Variants in TTN observed in about 807,000 individuals in gnomAD.
TTN encodes the protein titin.
Under a neutral mutation model 3,223.0 loss-of-function variants are expected in TTN, and 1,525 were observed. The ratio of observed to expected loss-of-function variants is 0.47; its 90% CI spans 0.45 to 0.49. TTN has a LOEUF of 0.49. Ranked by LOEUF, TTN falls within the 20% of genes least tolerant of loss-of-function variation. The pLI, the probability that TTN is intolerant of heterozygous loss-of-function variation, is 0.00. For missense variants in TTN, 40,786 were observed against 43,424.0 expected (o/e 0.94, Z 5.40); for synonymous variants, 14,094 against 15,161.0 (o/e 0.93, Z 5.17).
chr2:178,704,844 T>G, intron 104 of TTN, 33 bp downstream of exon 104: 1 of 1,610,436 alleles, frequency 6.2e-7, no homozygotes, highest in East Asian at 2.2e-5. Context: ...AATAATAACT[T>G]GTTCATTTTA....
chr2:178,530,412 C>A lies in TTN; in HGVS notation c.106203G>T (p.Glu35401Asp). ...GTTCAGTTTTTCTGGTTACTGTTGA[C>A]TCAGTGGTTTTCTGATCTGATTTCT... is the stretch of plus-strand genomic sequence containing the variant. ...ETKKSDQKTT[E>D]STVTRKTEPK... is the part of the protein sequence containing the mutation. The change falls in exon 358 of 363, where the codon GAG becomes GAT. Residue 35401 changes from glutamate (E) to aspartate (D), a missense_variant. Physicochemically the swap from Glu to Asp is conservative, Grantham distance 45. Coordinates refer to ENST00000589042, the MANE Select transcript of TTN (RefSeq NM_001267550.2). 1 of 1,613,960 alleles carries A rather than the reference C, an allele frequency of 6.2e-7. No individual in the cohort carries two copies. The highest frequency in any genetic ancestry group is 8.5e-7 in the Non-Finnish European group (1 of 1,179,862).
chr2:178,614,202 G>A lies in TTN; in HGVS notation c.49195C>T (p.His16399Tyr), dbSNP rs1194172632. ...TCCTTGACGGTGGATGAGAGCTTGT[G>A]CCACACTTCACTATCAGTTGCTCGT... ...ERRATDSEVW[H>Y]KLSSTVKDTN... Residue 16399 changes from histidine to tyrosine, a missense_variant, in exon 262 of 363, where the codon CAC becomes TAC. By Grantham distance (83) the His-to-Tyr change is moderately conservative. Coordinates refer to ENST00000589042, the MANE Select transcript of TTN (RefSeq NM_001267550.2). 3.1e-6 allele frequency: 5 copies of A among 1,612,336 alleles called. No individual in the cohort carries two copies. In the South Asian group the frequency reaches 5.5e-5, roughly 18 times the overall value.
intron 69 of TTN, 197 bp from the exon 70 acceptor site, chr2:178,726,243 C>A (rs2154304761): frequency 1.9e-6 from 1 of 514,410 alleles, no homozygotes; most frequent in East Asian, 3.2e-5. Context: ...GGCAGAGAAC[C>A]CAGATAGATC....
rs187270666 is a variant in TTN at position 178,561,239 on chromosome 2, C to T, written c.84893G>A (p.Arg28298Gln). 6.6e-4 allele frequency: 1,064 copies of T among 1,613,644 alleles called. 6 individuals are homozygous for T. Among genetic ancestry groups the T allele is most frequent in the East Asian group, 2.0e-4 (9 of 44,798 alleles). Residue 28298 changes from arginine to glutamine, a missense_variant, in exon 326 of 363, where the codon CGG becomes CAG. Arg to Gln is a conservative substitution (Grantham distance 43). Coordinates refer to ENST00000589042, the MANE Select transcript of TTN (RefSeq NM_001267550.2). The part of the protein sequence containing the change: ...IVERRELPDG[R>Q]WLKCNYTNIQ... ...ATTAGTATAATTGCACTTCAGCCACCGGCCATCTGGTAGTTCTCTGCGTTC... is the reference window on the plus strand; with the variant it reads ...ATTAGTATAATTGCACTTCAGCCACTGGCCATCTGGTAGTTCTCTGCGTTC...
In TTN at chr2:178,563,730, T is replaced by G. The variant is rs201958805; in HGVS notation, c.82402A>C (p.Lys27468Gln). 3.6e-4 allele frequency: 574 copies of G among 1,613,564 alleles called. 1 individual carries two copies. The highest frequency in any genetic ancestry group is 4.7e-4 in the Non-Finnish European group (550 of 1,179,766). The change falls in exon 326 of 363, where the codon AAG becomes CAG. Residue 27468 changes from lysine (K) to glutamine (Q), a missense_variant. By Grantham distance (53) the Lys-to-Gln change is moderately conservative (BLOSUM62 1). Transcript: ENST00000589042. The surrounding 1 kb of genome is among the most constrained non-coding windows in gnomAD (Gnocchi z 4.5). ...GGTGTTGAGGGAGGACCTGGTGGCTTATAAGGATTACAGGCCGTAACAGGC... is the reference window on the plus strand; with the variant it reads ...GGTGTTGAGGGAGGACCTGGTGGCTGATAAGGATTACAGGCCGTAACAGGC... ...SGPVTACNPY[K>Q]PPGPPSTPEV... is the part of the protein sequence containing the mutation.
intron 285 of TTN, 34 bp downstream of exon 285, chr2:178,601,848 A>T (rs781194025): frequency 6.2e-7 from 1 of 1,607,604 alleles, no homozygotes; most frequent in Non-Finnish European, 8.5e-7. Flanking sequence ...GAAGTCAACC[A>T]TATTCTGAAT....
In TTN at chr2:178,594,545, T is replaced by G. The variant is rs752651782; in HGVS notation, c.57949A>C (p.Ile19317Leu). 6.2e-7 allele frequency: 1 copy of G among 1,613,276 alleles called. No homozygotes were observed. Among genetic ancestry groups the G allele is most frequent in the African/African-American group, 1.3e-5 (1 of 74,920 alleles). ...PPKYDGGSEI[I>L]NYVLESRLIG... ...AGCCGACTTTCTAGGACATAGTTAA[T>G]AATTTCTGACCCACCATCATACTTA... is the stretch of plus-strand genomic sequence containing the variant. The change falls in exon 296 of 363, where the codon ATT becomes CTT. Residue 19317 changes from isoleucine to leucine, a missense_variant. Transcript: ENST00000589042.
Position 178,783,037 on chromosome 2 carries a change from C to T in TTN, c.2869G>A (p.Gly957Ser). ...TGGCACTCCAAGGTGACAGATTCAC[C>T]TTCTATGACAGTCACATTTTTTAAG... The part of the protein sequence containing the change: ...SGLKNVTVIE[G>S]ESVTLECHIS... Residue 957 changes from glycine (G) to serine (S), a missense_variant, in exon 18 of 363, where the codon GGT becomes AGT. Coordinates refer to ENST00000589042, the MANE Select transcript of TTN (RefSeq NM_001267550.2). 1 of 1,614,040 alleles carries T rather than the reference C, an allele frequency of 6.2e-7. No homozygotes were observed.
intron 6 of TTN, 144 bp from the exon 7 acceptor site, chr2:178,795,396 A>C (rs1487001115): frequency 1.4e-6 from 1 of 729,038 alleles, no homozygotes; most frequent in African/African-American, 1.7e-5. Context: ...TAAATAATGT[A>C]CTTGGAAGTA....
chr2:178,742,070 C>T, intron 47 of TTN, 149 bp from the exon 48 acceptor site: 1 of 726,334 alleles, frequency 1.4e-6, no homozygotes, highest in South Asian at 5.4e-5. Flanking sequence ...TCAAAAAGCA[C>T]ATTTCTAAAT....
rs778189928 is a variant in TTN at position 178,614,980 on chromosome 2, CAG to C, written c.48639-14_48639-13del. 3.1e-6 allele frequency: 5 copies of C among 1,589,732 alleles called. No individual in the cohort carries two copies. Among genetic ancestry groups the C allele is most frequent in the Non-Finnish European group, 4.3e-6 (5 of 1,165,234 alleles). ...CTGTCACTTCCATTCTGTCAGAAAACAGAATAGGATGTTTTACTGTGATGTCG... is the reference window on the plus strand; with the variant it reads ...CTGTCACTTCCATTCTGTCAGAAAACAATAGGATGTTTTACTGTGATGTCG... On this transcript the variant is annotated splice_polypyrimidine_tract_variant and intron_variant, in intron 259 of 362. Transcript: ENST00000589042.
chr2:178,641,517 T>C, intron 219 of TTN: 2 of 372,784 alleles, frequency 5.4e-6, no homozygotes, highest in Non-Finnish European at 9.5e-6. Context: ...ATAATAGCAC[T>C]CAAAGTTACT....
chr2:178,580,238 ATAG>A lies in TTN; in HGVS notation c.67058-12_67058-10del. 3 of 1,610,198 alleles carry A rather than the reference ATAG, an allele frequency of 1.9e-6. No homozygotes were observed. The highest frequency in any genetic ancestry group is 2.5e-6 in the Non-Finnish European group (3 of 1,178,878). On this transcript the variant is annotated splice_polypyrimidine_tract_variant and intron_variant, in intron 317 of 362. Coordinates refer to ENST00000589042, the MANE Select transcript of TTN (RefSeq NM_001267550.2). ...AGGTGGCCCAGGAGTATCTGGATAAATAGTAGGTAAATAAGAAATGAATGTGTA... is the reference window on the plus strand; with the variant it reads ...AGGTGGCCCAGGAGTATCTGGATAAATAGGTAAATAAGAAATGAATGTGTA...
chr2:178,597,468 G>T, intron 294 of TTN, 70 bp downstream of exon 294: 1 of 1,495,878 alleles, frequency 6.7e-7, no homozygotes, highest in Non-Finnish European at 9.0e-7. Context: ...ACAGCATACA[G>T]CATAGCTTTG....
chr2:178,760,848 G>GTGTGTGT (rs2088936303), intron 43 of TTN: 1 of 145,472 alleles, frequency 6.9e-6, no homozygotes, highest in African/African-American at 2.5e-5. Flanking sequence ...TGTGTGAAGG[G>GTGTGTGT]GTGTGTGTGT....
intron 155 of TTN, among the ~76,000 whole-genome samples, chr2:178,671,680 G>A (rs935210922): frequency 4.6e-5 from 7 of 151,688 alleles, no homozygotes; most frequent in African/African-American, 1.7e-4. Flanking sequence ...ACACTGGTCA[G>A]TTATTTTGGT....
At chr2:178,664,222 C>T in intron 168 of TTN, 124 bp from the exon 169 acceptor site, 1 of 986,288 alleles carries the variant, frequency 1.0e-6, no homozygotes, top group Non-Finnish European at 1.5e-6. Flanking sequence ...TAACAAGTTC[C>T]CATAATAGGT....
At position 178,575,806 on chromosome 2, in the gene TTN, C is replaced by T. The variant is rs1468145399; in HGVS notation, c.70326G>A (p.Leu23442=). ...TGTCCTTTGTGATGTCTGTAGGCCGCAGGTTGAGGACTGGGCCTGGCGTGT... is the reference window on the plus strand; with the variant it reads ...TGTCCTTTGTGATGTCTGTAGGCCGTAGGTTGAGGACTGGGCCTGGCGTGT... The part of the protein sequence containing the change: ...VLDTPGPVLN[L]RPTDITKDSV... Residue 23442 remains leucine (L), a synonymous_variant, in exon 326 of 363, where the codon CTG becomes CTA. Coordinates refer to ENST00000589042, the MANE Select transcript of TTN (RefSeq NM_001267550.2). This position sits in a 1 kb window ranked among gnomAD's most constrained non-coding sequence, Gnocchi z 4.0. The T allele has an allele frequency of 6.8e-6, 11 of 1,612,958 alleles. No homozygotes were observed. The Admixed American group carries it at 8.3e-5, about 12-fold the overall frequency.
chr2:178,561,694 A>G lies in TTN; in HGVS notation c.84438T>C (p.Val28146=). The change falls in exon 326 of 363, where the codon GTT becomes GTC. Residue 28146 remains valine (V), a synonymous_variant. Coordinates refer to ENST00000589042, the MANE Select transcript of TTN (RefSeq NM_001267550.2). ...GKSSYSESSA[V]VAEYPFSPPG... is the part of the protein sequence containing the mutation. ...GGGGACTGAATGGATACTCTGCAACAACAGCTGAAGATTCACTGTAGGAGC... is the reference window on the plus strand; with the variant it reads ...GGGGACTGAATGGATACTCTGCAACGACAGCTGAAGATTCACTGTAGGAGC... 6.2e-7 allele frequency: 1 copy of G among 1,607,996 alleles called. No homozygotes were observed.
Sources: gnomAD v4.1 joint callset for allele counts (sites outside exome capture counted in the v4.1 genomes callset) on GRCh38, gnomAD v4.1.1 for gene constraint, Gnocchi (gnomAD v3.1) non-coding constraint, MANE v1.5 for transcripts, NCBI Gene and HGNC (gene_info 2026-07-23, HGNC 2026-07-21) for gene names.